MACROD2: variants seen among roughly 807,000 people sequenced by gnomAD.
MACROD2 encodes the protein ADP-ribose glycohydrolase MACROD2.
Under a neutral mutation model 70.4 loss-of-function variants are expected in MACROD2, and 36 were observed. The ratio of observed to expected loss-of-function variants is 0.51; its 90% confidence interval spans 0.39 to 0.68. The LOEUF is 0.68. MACROD2 is among the 30% of genes least tolerant of loss of function. The probability of loss-of-function intolerance (pLI) is 0.00; values close to 1 mark genes in which losing one functional copy is unlikely to be tolerated. For missense variants in MACROD2, 496 were observed against 538.4 expected, an observed-to-expected ratio of 0.92 and a Z score of 0.78; for synonymous variants, 172 against 178.8, an observed-to-expected ratio of 0.96 and a Z score of 0.30.
At chr20:15,879,741 G>A (rs175793) in intron 9 of MACROD2, among the ~76,000 whole-genome samples, 34,679 of 151,866 alleles carry the variant, frequency 0.23, 4,533 homozygotes, top group African/African-American at 0.35. Flanking sequence ...ATAGCAAATG[G>A]CCCATATGAT....
intron 5 of MACROD2, among the ~76,000 whole-genome samples, chr20:15,123,520 CATT>C (rs933945148): frequency 9.2e-5 from 14 of 152,218 alleles, no homozygotes; most frequent in South Asian, 4.2e-4. Context: ...TAGATTGTCT[CATT>C]AATCCTTTTT....
In MACROD2 at chr20:15,862,749, A is replaced by G; in HGVS notation, c.650A>G (p.Asp217Gly). 6.2e-7 allele frequency: 1 copy of G among 1,611,278 alleles called. No individual in the cohort carries two copies. Among genetic ancestry groups the G allele is most frequent in the Non-Finnish European group, 8.5e-7 (1 of 1,178,912 alleles). Reference sequence around the variant, plus strand: ...TGTTTTATCTTTTGCCTCTAGGTGGATCGGATCATTTTCTGTGTCTTCTTA... The same window carrying G: ...TGTTTTATCTTTTGCCTCTAGGTGGGTCGGATCATTTTCTGTGTCTTCTTA... ...EWLAKNHHEV[D>G]RIIFCVFLEV... is the part of the protein sequence containing the mutation. Residue 217 changes from aspartate to glycine, a missense_variant, in exon 9 of 18, where the codon GAT becomes GGT. Transcript: ENST00000684519.
chr20:14,014,209 T>G, intron 2 of MACROD2, among the ~76,000 whole-genome samples: 1 of 151,952 alleles, frequency 6.6e-6, no homozygotes, highest in Non-Finnish European at 1.5e-5. Context: ...GACGACAACT[T>G]TTCCTTTCTT....
intron 5 of MACROD2, among the ~76,000 whole-genome samples, chr20:14,861,852 G>C (rs1174865521): frequency 6.8e-6 from 1 of 146,020 alleles, no homozygotes; most frequent in African/African-American, 2.5e-5. Flanking sequence ...CCTGCTGCTG[G>C]CCAAGCAGGA....
chr20:15,445,745 A>G (rs1235742089), intron 7 of MACROD2, among the ~76,000 whole-genome samples: 1 of 152,158 alleles, frequency 6.6e-6, no homozygotes, highest in Admixed American at 6.5e-5. Flanking sequence ...CATTTTGGAA[A>G]TCATACTTGT....
chr20:15,604,524 C>A (rs1285705142), intron 8 of MACROD2, among the ~76,000 whole-genome samples: 3 of 152,178 alleles, frequency 2.0e-5, no homozygotes. Context: ...CACCAGTGGA[C>A]AAGAGGACCA....
At chr20:15,979,627 A>G (rs1420664274) in intron 13 of MACROD2, among the ~76,000 whole-genome samples, 1 of 152,174 alleles carries the variant, frequency 6.6e-6, no homozygotes, top group Non-Finnish European at 1.5e-5. Context: ...AAAAAATTCC[A>G]TAGTTAAGTA....
intron 4 of MACROD2, among the ~76,000 whole-genome samples, chr20:14,608,539 CTCAT>C (rs758395048): frequency 4.9e-4 from 75 of 152,232 alleles, no homozygotes; most frequent in Middle Eastern, 6.8e-3. Flanking sequence ...TACTTTGCAT[CTCAT>C]TCATTCATTC....
chr20:15,363,642 C>G (rs1180755524), intron 6 of MACROD2, among the ~76,000 whole-genome samples: 2 of 152,126 alleles, frequency 1.3e-5, no homozygotes, highest in African/African-American at 4.8e-5. Context: ...TTGCCTCCCT[C>G]CAGCACTGAC....
At chr20:15,898,184 C>T (rs2065003053) in intron 10 of MACROD2, among the ~76,000 whole-genome samples, 1 of 152,088 alleles carries the variant, frequency 6.6e-6, no homozygotes, top group Admixed American at 6.6e-5. Context: ...AGCATGGGCC[C>T]CTCCATGCCT....
intron 8 of MACROD2, among the ~76,000 whole-genome samples, chr20:15,656,303 C>T (rs887537204): frequency 6.6e-6 from 1 of 152,096 alleles, no homozygotes; most frequent in Non-Finnish European, 1.5e-5. Context: ...TGTATGAATT[C>T]CAGAGTCTTA....
At chr20:14,180,197 G>A (rs1017198309) in intron 3 of MACROD2, among the ~76,000 whole-genome samples, 2 of 151,870 alleles carry the variant, frequency 1.3e-5, no homozygotes, top group African/African-American at 4.8e-5. Context: ...TAGGTAAGTA[G>A]CAGTCCTAGC....
At chr20:14,759,078 T>C (rs1165011032) in intron 5 of MACROD2, among the ~76,000 whole-genome samples, 2 of 152,144 alleles carry the variant, frequency 1.3e-5, no homozygotes, top group Non-Finnish European at 2.9e-5. Context: ...CGTGCCTTTT[T>C]GAAATGAGGT....
At chr20:15,698,880 C>G (rs1412009801) in intron 8 of MACROD2, among the ~76,000 whole-genome samples, 2 of 152,126 alleles carry the variant, frequency 1.3e-5, no homozygotes, top group Non-Finnish European at 2.9e-5. Flanking sequence ...CTGAGACTTT[C>G]CAGAGCATTT....
At chr20:15,473,713 G>GTTTCCAACTCTGCTAA (rs2046987882) in intron 7 of MACROD2, among the ~76,000 whole-genome samples, 1 of 152,180 alleles carries the variant, frequency 6.6e-6, no homozygotes, top group Non-Finnish European at 1.5e-5. Flanking sequence ...AATTCCCTTA[G>GTTTCCAACTCTGCTAA]TTTCCAACTC....
At chr20:14,762,777 A>T (rs6034031) in intron 5 of MACROD2, among the ~76,000 whole-genome samples, 4,520 of 152,060 alleles carry the variant, frequency 0.03, 193 homozygotes, top group East Asian at 0.11. Context: ...TGAAAATGCA[A>T]AAATTAGCCA....
chr20:15,385,430 A>G (rs1038440670), intron 6 of MACROD2, among the ~76,000 whole-genome samples: 4 of 152,200 alleles, frequency 2.6e-5, no homozygotes, highest in African/African-American at 9.7e-5. Flanking sequence ...GCACAATCAT[A>G]TTTAAACTGT....
chr20:14,049,181 AAAAAAAAAC>A (rs1220665569), intron 2 of MACROD2, among the ~76,000 whole-genome samples: 1 of 95,088 alleles, frequency 1.1e-5, no homozygotes, highest in Admixed American at 1.1e-4. Flanking sequence ...TAATAAAAAA[AAAAAAAAAC>A]AAAAAAACAA....
intron 2 of MACROD2, among the ~76,000 whole-genome samples, chr20:14,061,832 C>T (rs3859622): frequency 0.74 from 111,987 of 151,980 alleles, 42,699 homozygotes; most frequent in South Asian, 0.84. Context: ...GCATAGTTTA[C>T]AAAAGTCTGT....
Sources: allele counts gnomAD v4.1 joint callset (sites outside exome capture counted in the v4.1 genomes callset), GRCh38; gene constraint gnomAD v4.1.1; transcripts MANE v1.5; gene names NCBI Gene and HGNC (gene_info 2026-07-23, HGNC 2026-07-21).